NSMCE1: variants seen among roughly 807,000 people sequenced by gnomAD.
NSMCE1 encodes the protein NSE1 component of SMC5/6 complex, also known as non-structural maintenance of chromosomes element 1 homolog.
In NSMCE1, 18 loss-of-function variants were observed where a neutral mutation model predicts 29.6. The ratio of observed to expected loss-of-function variants is 0.61; its 90% CI spans 0.42 to 0.90. The LOEUF (loss-of-function observed/expected upper bound fraction) is 0.90, where lower values mean the gene tolerates loss of function less well. NSMCE1 is among the 40% of genes least tolerant of loss of function. The pLI, the probability that NSMCE1 is intolerant of heterozygous loss-of-function variation, is 0.00. For synonymous variants in NSMCE1, 124 were observed against 133.4 expected (o/e 0.93, Z 0.49); for missense variants, 314 against 343.6 (o/e 0.91, Z 0.68).
rs959965300 is a variant in NSMCE1 at position 27,239,207 on chromosome 16, C to CAACTTAGAAAGG, written c.137-3909_137-3908insCCTTTCTAAGTT. ...TTTCTAAGTTGACCAGAACTGGGGT[C>CAACTTAGAAAGG]TCTTGCTTGCTCCCAAGATCCTTAT... On this transcript the variant is annotated intron_variant, in intron 2 of 7. Coordinates refer to ENST00000361439, the MANE Select transcript of NSMCE1 (RefSeq NM_145080.4). Among the ~76,000 whole-genome samples, 24 of 152,272 alleles carry CAACTTAGAAAGG rather than the reference C, an allele frequency of 1.6e-4. No homozygotes were observed. In the South Asian group the frequency reaches 3.9e-3, roughly 25 times the overall value.
At chr16:27,241,001 G>A (rs575722459) in intron 2 of NSMCE1, among the ~76,000 whole-genome samples, 1 of 152,332 alleles carries the variant, frequency 6.6e-6, no homozygotes, top group African/African-American at 2.4e-5. Flanking sequence ...TTGAGCCCAG[G>A]AGTTGGAGAC....
chr16:27,242,092 G>A lies in NSMCE1; in HGVS notation c.137-6793C>T, dbSNP rs183889381. On this transcript the variant is annotated intron_variant, in intron 2 of 7. Coordinates refer to ENST00000361439, the MANE Select transcript of NSMCE1 (RefSeq NM_145080.4). Reference sequence around the variant, plus strand: ...CAAGATCAGTCCTGCGTTCATCATCGGAACTGAGTGATGGCACACAGGGCT... The same window carrying A: ...CAAGATCAGTCCTGCGTTCATCATCAGAACTGAGTGATGGCACACAGGGCT... Among the ~76,000 whole-genome samples, 30 of 152,272 alleles carry A rather than the reference G, an allele frequency of 2.0e-4. 1 individual carries two copies. The highest frequency in any genetic ancestry group is 5.5e-4 in the African/African-American group (23 of 41,550).
chr16:27,268,101 T>C (rs988315633), intron 1 of NSMCE1: 1 of 152,152 alleles, frequency 6.6e-6, no homozygotes, highest in African/African-American at 2.4e-5. Context: ...TGTATTTGAT[T>C]ACAAGCCGCT....
chr16:27,260,417 G>GA, intron 1 of NSMCE1, among the ~76,000 whole-genome samples: 1 of 151,586 alleles, frequency 6.6e-6, no homozygotes, highest in African/African-American at 2.4e-5. Flanking sequence ...AATGTAATGA[G>GA]AAAAAATAAT....
At chr16:27,257,910 G>C (rs574223153) in intron 1 of NSMCE1, among the ~76,000 whole-genome samples, 1 of 152,280 alleles carries the variant, frequency 6.6e-6, no homozygotes, top group African/African-American at 2.4e-5. Context: ...GTCCTCTGCA[G>C]AACTGCTACG....
At chr16:27,240,525 T>C (rs1230438138) in intron 2 of NSMCE1, among the ~76,000 whole-genome samples, 1 of 152,006 alleles carries the variant, frequency 6.6e-6, no homozygotes, top group African/African-American at 2.4e-5. Context: ...CTGGGCCAGG[T>C]CCAGCGTGCA....
Position 27,232,914 on chromosome 16 carries a change from A to G in NSMCE1, c.483+87T>C. The G allele has an allele frequency of 7.1e-7, 1 of 1,400,670 alleles. No individual in the cohort carries two copies. 86.8% of individuals were successfully genotyped at this position (1,400,670 alleles called of 1,614,324 possible). A position where few individuals can be genotyped will look rare whatever the true frequency, so the allele number is the denominator to read the frequency against. On this transcript the variant is annotated intron_variant, in intron 5 of 7. Transcript: ENST00000361439. This position sits in a 1 kb window ranked among gnomAD's most constrained non-coding sequence, Gnocchi z 4.5. Reference sequence around the variant, plus strand: ...TCCGAGAAGGCCGGGCTCCTCAGACATCAGTTGGCTACAAGTACGATTTTG... The same window carrying G: ...TCCGAGAAGGCCGGGCTCCTCAGACGTCAGTTGGCTACAAGTACGATTTTG...
At chr16:27,235,361 T>C in intron 2 of NSMCE1, 62 bp from the exon 3 acceptor site, 1 of 1,585,044 alleles carries the variant, frequency 6.3e-7, no homozygotes, top group Non-Finnish European at 8.6e-7. Flanking sequence ...AAAATGTAGC[T>C]TGCTTGAATC....
chr16:27,229,371 C>G (rs2140986669), intron 5 of NSMCE1, among the ~76,000 whole-genome samples: 1 of 152,360 alleles, frequency 6.6e-6, no homozygotes, highest in African/African-American at 2.4e-5. Flanking sequence ...CTCGGGCTCC[C>G]CCTCCAGACC....
In NSMCE1 at chr16:27,225,258, A is replaced by G. The variant is rs1181110854; in HGVS notation, c.722-22T>C. 8 of 1,475,592 alleles carry G rather than the reference A, an allele frequency of 5.4e-6. No individual in the cohort carries two copies. In the South Asian group the frequency reaches 9.3e-5, roughly 17 times the overall value. The allele number at this position is 1,475,592 out of a possible 1,614,324, so 91.4% of individuals were successfully genotyped here. ...ACTTCTGTAGACAGAAAAGGCAGGA[A>G]AGACACAGTGAATGGAGGGGCTGGC... On this transcript the variant is annotated intron_variant, in intron 7 of 7. Coordinates refer to ENST00000361439, the MANE Select transcript of NSMCE1 (RefSeq NM_145080.4).
At chr16:27,241,975 C>A in intron 2 of NSMCE1, 1 of 343,548 alleles carries the variant, frequency 2.9e-6, no homozygotes, top group South Asian at 2.2e-5. Context: ...AGGATGTGGG[C>A]ATTCATCAGA....
intron 2 of NSMCE1, chr16:27,241,587 A>G (rs562104319): frequency 1.8e-4 from 32 of 178,672 alleles, no homozygotes; most frequent in African/African-American, 6.1e-4. Context: ...CTTTCCCCCA[A>G]CCGCCTGGGG....
intron 2 of NSMCE1, among the ~76,000 whole-genome samples, chr16:27,253,624 C>T (rs1300571240): frequency 6.6e-6 from 1 of 152,186 alleles, no homozygotes; most frequent in Non-Finnish European, 1.5e-5. Flanking sequence ...CCTGTGCCGA[C>T]TTCTATCAAG....
intron 2 of NSMCE1, among the ~76,000 whole-genome samples, chr16:27,244,648 G>A (rs996610895): frequency 3.6e-5 from 5 of 137,036 alleles, no homozygotes; most frequent in Non-Finnish European, 6.6e-5. Context: ...GCCACATATG[G>A]CAGCTCCACA....
rs994761944 is a variant in NSMCE1 at position 27,265,349 on chromosome 16, T to G, written c.-12+3357A>C. 3.3e-5 allele frequency among the ~76,000 whole-genome samples: 5 copies of G among 151,772 alleles called. 1 individual carries two copies. Among genetic ancestry groups the G allele is most frequent in the Admixed American group, 6.6e-5 (1 of 15,212 alleles). On this transcript the variant is annotated intron_variant, in intron 1 of 7. Coordinates refer to ENST00000361439, the MANE Select transcript of NSMCE1 (RefSeq NM_145080.4). ...ATGCCCGGCTAATTTCTGTATTTTT[T>G]GTAGAGATGGGGTCTCACCTGTTGC...
Position 27,226,702 on chromosome 16 carries a change from G to A in NSMCE1, c.600+18C>T. 6.5e-7 allele frequency: 1 copy of A among 1,536,426 alleles called. No individual in the cohort carries two copies. Among genetic ancestry groups the A allele is most frequent in the Non-Finnish European group, 9.0e-7 (1 of 1,109,582 alleles). On this transcript the variant is annotated intron_variant, in intron 6 of 7. Transcript: ENST00000361439. ...CGAGGGCCCAGTGATGAGCTCCCGT[G>A]CCCTGCCCTGCGGGTACCTGGATGA...
intron 5 of NSMCE1, among the ~76,000 whole-genome samples, chr16:27,227,927 A>G (rs935652875): frequency 2.6e-5 from 4 of 151,944 alleles, no homozygotes; most frequent in Admixed American, 6.6e-5. Context: ...CTGGGATTAC[A>G]GGCATGCGCC....
rs919668706 is a variant in NSMCE1 at position 27,257,521 on chromosome 16, C to T, written c.50G>A (p.Arg17His). Residue 17 changes from arginine (R) to histidine (H), a missense_variant, in exon 2 of 8, where the codon CGC (arginine) becomes CAC (histidine). Arg to His is a conservative substitution (Grantham distance 29, BLOSUM62 0). Transcript: ENST00000361439. The part of the protein sequence containing the change: ...RMGVMTDVHR[R>H]FLQLLMTHGV... ...ATGGGTCATCAGCAACTGGAGGAAGCGCCGGTGGACATCAGTCATGACGCC... is the reference window on the plus strand; with the variant it reads ...ATGGGTCATCAGCAACTGGAGGAAGTGCCGGTGGACATCAGTCATGACGCC... 5.6e-6 allele frequency: 9 copies of T among 1,613,770 alleles called. No homozygotes were observed. Among genetic ancestry groups the T allele is most frequent in the South Asian group, 3.3e-5 (3 of 91,070 alleles).
chr16:27,251,209 A>T (rs554622704), intron 2 of NSMCE1, among the ~76,000 whole-genome samples: 1,446 of 92,900 alleles, frequency 0.016, 61 homozygotes, highest in African/African-American at 0.056. Flanking sequence ...TATATATATA[A>T]AACTCTGTAG....
Sources: allele counts gnomAD v4.1 joint callset (sites outside exome capture counted in the v4.1 genomes callset), GRCh38; gene constraint gnomAD v4.1.1; non-coding constraint Gnocchi (gnomAD v3.1); transcripts MANE v1.5; gene names NCBI Gene and HGNC (gene_info 2026-07-23, HGNC 2026-07-21).